The following NAALADL2 variants were observed in gnomAD, a reference collection of about 807,000 sequenced individuals.
The protein encoded by NAALADL2 is inactive N-acetylated-alpha-linked acidic dipeptidase-like protein 2.
In NAALADL2, 76 loss-of-function variants were observed where a neutral mutation model predicts 87.2. The observed-to-expected ratio is 0.87, with a 90% CI of 0.72 to 1.05. The LOEUF (loss-of-function observed/expected upper bound fraction) is 1.05. NAALADL2 is among the 50% of genes least tolerant of loss of function. NAALADL2 has a pLI of 0.00. For synonymous variants in NAALADL2, 354 were observed against 331.0 expected (o/e 1.07, Z -0.75); for missense variants, 1,089 against 945.8 (o/e 1.15, Z -1.99).
intron 3 of NAALADL2, among the ~76,000 whole-genome samples, chr3:174,828,467 C>A (rs1031974856): frequency 6.6e-6 from 1 of 152,296 alleles, no homozygotes; most frequent in Middle Eastern, 3.4e-3. Flanking sequence ...GATTCAGTTG[C>A]TGTATCATGG....
At chr3:174,996,361 G>C (rs1323683075) in intron 1 of NAALADL2, among the ~76,000 whole-genome samples, 3 of 151,978 alleles carry the variant, frequency 2.0e-5, no homozygotes, top group Non-Finnish European at 4.4e-5. Context: ...GCTGGGCGTG[G>C]TGGCAGGTGC....
At chr3:174,786,343 C>T (rs373136513) in intron 3 of NAALADL2, among the ~76,000 whole-genome samples, 70 of 150,980 alleles carry the variant, frequency 4.6e-4, no homozygotes, top group African/African-American at 1.4e-3. Flanking sequence ...CCCCGATACT[C>T]GGGAGGCTGA....
chr3:174,929,219 G>C (rs1736515027), intron 1 of NAALADL2, among the ~76,000 whole-genome samples: 1 of 152,200 alleles, frequency 6.6e-6, no homozygotes, highest in Admixed American at 6.5e-5. Context: ...GCGGGGCTCT[G>C]TGTTTGTGGT....
At chr3:174,907,421 G>T (rs929820457) in intron 1 of NAALADL2, among the ~76,000 whole-genome samples, 4 of 152,166 alleles carry the variant, frequency 2.6e-5, no homozygotes, top group African/African-American at 9.6e-5. Context: ...TGAGAGATGG[G>T]TGATATGTAG....
At chr3:175,436,991 G>A (rs995565437) in intron 5 of NAALADL2, among the ~76,000 whole-genome samples, 160 of 115,508 alleles carry the variant, frequency 1.4e-3, no homozygotes, top group African/African-American at 5.0e-3. Context: ...TAGGTCTAAC[G>A]TTTAAATCTT....
intron 1 of NAALADL2, among the ~76,000 whole-genome samples, chr3:174,482,141 C>T (rs949234804): frequency 2.0e-5 from 3 of 152,066 alleles, no homozygotes; most frequent in African/African-American, 7.2e-5. Flanking sequence ...AGTTCTTATT[C>T]TGTGAACACA....
chr3:175,027,840 C>G (rs990591832), intron 1 of NAALADL2, among the ~76,000 whole-genome samples: 1 of 151,810 alleles, frequency 6.6e-6, no homozygotes, highest in Non-Finnish European at 1.5e-5. Context: ...GCTTTTTAAG[C>G]TTTCAGGTCT....
At chr3:174,964,029 T>C (rs1470179193) in intron 1 of NAALADL2, among the ~76,000 whole-genome samples, 1 of 94,454 alleles carries the variant, frequency 1.1e-5, no homozygotes, top group African/African-American at 5.2e-5. Context: ...TTATTAAATC[T>C]TTTGGGAAAA....
chr3:174,787,838 C>T (rs1475757028), intron 3 of NAALADL2, among the ~76,000 whole-genome samples: 1 of 151,308 alleles, frequency 6.6e-6, no homozygotes, highest in African/African-American at 2.4e-5. Context: ...ATATTTGTCA[C>T]CACCAGAGTT....
chr3:174,657,885 G>T (rs1311794818), intron 2 of NAALADL2, among the ~76,000 whole-genome samples: 1 of 152,048 alleles, frequency 6.6e-6, no homozygotes, highest in African/African-American at 2.4e-5. Context: ...CACACACTAT[G>T]TAGCCTTTTC....
intron 4 of NAALADL2, among the ~76,000 whole-genome samples, chr3:175,260,153 A>C (rs1037743813): frequency 2.6e-5 from 4 of 152,186 alleles, no homozygotes; most frequent in African/African-American, 9.7e-5. Flanking sequence ...AAACCCTTTG[A>C]CTATATTTAC....
intron 11 of NAALADL2, among the ~76,000 whole-genome samples, chr3:175,688,980 C>G (rs1485013616): frequency 6.6e-6 from 1 of 152,172 alleles, no homozygotes; most frequent in African/African-American, 2.4e-5. Context: ...CTCCCTGAGG[C>G]CTGCTCAGTA....
chr3:175,549,429 C>A (rs1713969696), intron 9 of NAALADL2, among the ~76,000 whole-genome samples: 1 of 151,810 alleles, frequency 6.6e-6, no homozygotes, highest in Admixed American at 6.6e-5. Flanking sequence ...TTATTTTGGT[C>A]TATATGAATC....
chr3:175,667,237 AAGAAAAAGAAAG>A (rs1733266518), intron 11 of NAALADL2, among the ~76,000 whole-genome samples: 3 of 100,236 alleles, frequency 3.0e-5, no homozygotes, highest in South Asian at 3.0e-4. Context: ...GAAAGAAAGA[AAGAAAAAGAAAG>A]AAAGAAAGAA....
chr3:174,935,441 G>A (rs893543356), intron 1 of NAALADL2, among the ~76,000 whole-genome samples: 6 of 152,092 alleles, frequency 3.9e-5, no homozygotes, highest in Admixed American at 2.6e-4. Flanking sequence ...AGATATACTG[G>A]TTATTTACAT....
At chr3:175,567,616 T>C (rs1717384014) in intron 9 of NAALADL2, among the ~76,000 whole-genome samples, 1 of 152,152 alleles carries the variant, frequency 6.6e-6, no homozygotes, top group South Asian at 2.1e-4. Context: ...AAAATACTTT[T>C]TGTTAACATC....
intron 1 of NAALADL2, among the ~76,000 whole-genome samples, chr3:174,501,282 T>G (rs949529393): frequency 6.3e-5 from 9 of 143,868 alleles, no homozygotes; most frequent in Non-Finnish European, 1.3e-4. Context: ...GTTTCACCGT[T>G]TTAGCCGGGA....
At chr3:175,212,697 T>C (rs1369414489) in intron 2 of NAALADL2, among the ~76,000 whole-genome samples, 8 of 152,100 alleles carry the variant, frequency 5.3e-5, no homozygotes, top group African/African-American at 1.9e-4. Flanking sequence ...CATTGATTTG[T>C]TGGTTACCCA....
intron 1 of NAALADL2, among the ~76,000 whole-genome samples, chr3:175,094,223 G>A (rs28591095): frequency 0.4 from 60,304 of 151,256 alleles, 12,374 homozygotes; most frequent in Non-Finnish European, 0.46. Flanking sequence ...AATTAATCAG[G>A]AATGCATAAG....
Sources: allele counts gnomAD v4.1 joint callset (sites outside exome capture counted in the v4.1 genomes callset), GRCh38; gene constraint gnomAD v4.1.1; transcripts MANE v1.5; gene names NCBI Gene and HGNC (gene_info 2026-07-23, HGNC 2026-07-21).